NLRP12: variants seen among roughly 807,000 people sequenced by gnomAD.
NLRP12 encodes NACHT, LRR and PYD domains-containing protein 12.
In NLRP12, 108 loss-of-function variants were observed where a neutral mutation model predicts 91.2. That is an observed-to-expected ratio of 1.18 (90% confidence interval 1.01 to 1.39). NLRP12 has a LOEUF of 1.39. Among genes scored for constraint, NLRP12 ranks in the 40% most tolerant of loss-of-function variants. The pLI is 0.00. For missense variants in NLRP12, 1,530 were observed against 1,352.7 expected (o/e 1.13, Z -2.06); for synonymous variants, 613 against 566.7 (o/e 1.08, Z -1.16).
At chr19:53,802,923 T>A (rs2091898240) in intron 6 of NLRP12, among the ~76,000 whole-genome samples, 1 of 152,016 alleles carries the variant, frequency 6.6e-6, no homozygotes, top group Non-Finnish European at 1.5e-5. Flanking sequence ...CTAATTATGT[T>A]TATTTTTTGT....
rs139914859 is a variant in NLRP12 at position 53,804,675 on chromosome 19, T to G, written c.2415-553A>C. 4.8e-3 allele frequency among the ~76,000 whole-genome samples: 716 copies of G among 149,176 alleles called. 27 individuals are homozygous for G. In the East Asian group the frequency reaches 0.1, roughly 21 times the overall value. On this transcript the variant is annotated intron_variant, in intron 5 of 9. Coordinates refer to ENST00000324134, the MANE Select transcript of NLRP12 (RefSeq NM_144687.4). ...ATCCGCCTGCCTTGGCCTCCCAAAGTGCTGGGATTATAGACGTGAACCACC... is the reference window on the plus strand; with the variant it reads ...ATCCGCCTGCCTTGGCCTCCCAAAGGGCTGGGATTATAGACGTGAACCACC...
intron 1 of NLRP12, 136 bp from the exon 2 acceptor site, chr19:53,815,124 T>A: frequency 2.7e-6 from 2 of 728,228 alleles, no homozygotes; most frequent in Non-Finnish European, 2.5e-6. Context: ...AGTGACTGCA[T>A]AGGCCGTGTG....
intron 1 of NLRP12, among the ~76,000 whole-genome samples, chr19:53,816,278 C>T (rs1308770860): frequency 6.6e-6 from 1 of 152,082 alleles, no homozygotes; most frequent in Non-Finnish European, 1.5e-5. Context: ...GTTTTCACCT[C>T]CCTGCTGGTT....
chr19:53,809,815 C>T lies in NLRP12; in HGVS notation c.1844G>A (p.Ser615Asn). 6.2e-7 allele frequency: 1 copy of T among 1,614,122 alleles called. No individual in the cohort carries two copies. The highest frequency in any genetic ancestry group is 8.5e-7 in the Non-Finnish European group (1 of 1,180,000). ...TLQQGSLEFFSCLYEIQEEEF... is the reference protein window; with the variant it reads ...TLQQGSLEFFNCLYEIQEEEF... ...CTCCTCCTGGATCTCGTACAAGCAG[C>T]TGAAGAACTCCAAGGAGCCCTGCTG... The change falls in exon 3 of 10, where the codon AGC becomes AAC. Residue 615 changes from serine (S) to asparagine (N), a missense_variant. Ser to Asn is a conservative substitution (Grantham distance 46). Coordinates refer to ENST00000324134, the MANE Select transcript of NLRP12 (RefSeq NM_144687.4).
intron 3 of NLRP12, chr19:53,808,204 T>C (rs1258457549): frequency 4.6e-6 from 1 of 218,178 alleles, no homozygotes; most frequent in Non-Finnish European, 9.3e-6. Flanking sequence ...GCTACAGGTG[T>C]GCACCATCAT....
chr19:53,820,881 TA>T (rs1254600392), intron 1 of NLRP12, among the ~76,000 whole-genome samples: 3 of 151,522 alleles, frequency 2.0e-5, no homozygotes, highest in Non-Finnish European at 4.4e-5. Context: ...AAAATATTTT[TA>T]AAAAAACAAT....
At chr19:53,823,820 G>A (rs2092304556) in intron 1 of NLRP12, 66 bp downstream of exon 1, 6 of 1,581,824 alleles carry the variant, frequency 3.8e-6, no homozygotes, top group Non-Finnish European at 5.2e-6. Context: ...AAAGTGCTGA[G>A]ATTACAGGTA....
chr19:53,810,841 G>C lies in NLRP12; in HGVS notation c.818C>G (p.Pro273Arg). The change falls in exon 3 of 10, where the codon CCT (proline) becomes CGT (arginine). Residue 273 changes from proline to arginine, a missense_variant. Physicochemically the swap from Pro to Arg is moderately radical, Grantham distance 103 (BLOSUM62 -2). Transcript: ENST00000324134. ...CTCCTGGAGAGGCGCGCTGGGCTCA[G>C]GCCAGCAGCTGAAGATGAGGTCTTG... ...SMQDLIFSCWPEPSAPLQELI... is the reference protein window; with the variant it reads ...SMQDLIFSCWREPSAPLQELI... 1 of 1,614,116 alleles carries C rather than the reference G, an allele frequency of 6.2e-7. No individual in the cohort carries two copies. Among genetic ancestry groups the C allele is most frequent in the African/African-American group, 1.3e-5 (1 of 75,046 alleles).
chr19:53,807,481 C>G lies in NLRP12; in HGVS notation c.2243+14G>C. The G allele has an allele frequency of 6.2e-7, 1 of 1,612,370 alleles. No homozygotes were observed. The highest frequency in any genetic ancestry group is 8.5e-7 in the Non-Finnish European group (1 of 1,179,170). ...TGGGGACCACCTGAAACGCCCAGAC[C>G]AGCCTGCACTCACCTCAGGTTCTGA... On this transcript the variant is annotated intron_variant, in intron 4 of 9. Coordinates refer to ENST00000324134, the MANE Select transcript of NLRP12 (RefSeq NM_144687.4).
rs192517357 is a variant in NLRP12 at position 53,800,804 on chromosome 19, G to A, written c.2756+423C>T. Among the ~76,000 whole-genome samples the A allele has an allele frequency of 5.2e-3, 796 of 151,994 alleles. 7 individuals are homozygous for A. Among genetic ancestry groups the A allele is most frequent in the African/African-American group, 0.017 (718 of 41,468 alleles). ...TCTACATGTTGGTCAGGCTGGTCTC[G>A]AATTCCCCACCTCAGGTGATCCTCC... is the stretch of plus-strand genomic sequence containing the variant. On this transcript the variant is annotated intron_variant, in intron 7 of 9. Transcript: ENST00000324134.
At chr19:53,814,218 G>C (rs1169748174) in intron 2 of NLRP12, among the ~76,000 whole-genome samples, 1 of 152,162 alleles carries the variant, frequency 6.6e-6, no homozygotes, top group East Asian at 1.9e-4. Context: ...TTATGGTTTT[G>C]CTAAATCAGT....
intron 2 of NLRP12, among the ~76,000 whole-genome samples, chr19:53,813,306 T>C (rs201845171): frequency 1.4e-4 from 13 of 94,800 alleles, no homozygotes; most frequent in South Asian, 4.8e-4. Context: ...TTTCTTTTTT[T>C]TTTTTTTTTT....
chr19:53,811,307 G>A lies in NLRP12; in HGVS notation c.371-19C>T. 4.3e-6 allele frequency: 7 copies of A among 1,613,338 alleles called. No individual in the cohort carries two copies. Among genetic ancestry groups the A allele is most frequent in the East Asian group, 2.2e-5 (1 of 44,714 alleles). ...TGGGGATCTAGGGGAGAGGAATGAAGGTTTTGTGGAAGACTCATCAGCAGC... is the reference window on the plus strand; with the variant it reads ...TGGGGATCTAGGGGAGAGGAATGAAAGTTTTGTGGAAGACTCATCAGCAGC... On this transcript the variant is annotated intron_variant, in intron 2 of 9. Coordinates refer to ENST00000324134, the MANE Select transcript of NLRP12 (RefSeq NM_144687.4).
At chr19:53,813,761 C>G (rs2092116706) in intron 2 of NLRP12, among the ~76,000 whole-genome samples, 1 of 152,040 alleles carries the variant, frequency 6.6e-6, no homozygotes, top group Non-Finnish European at 1.5e-5. Context: ...GACCTTGGCT[C>G]ACTGCAACTT....
At chr19:53,819,558 TAC>T (rs2092227898) in intron 1 of NLRP12, among the ~76,000 whole-genome samples, 2 of 106,924 alleles carry the variant, frequency 1.9e-5, no homozygotes, top group African/African-American at 3.4e-5. Flanking sequence ...TATGTATGTA[TAC>T]GTATATATAT....
At position 53,805,351 on chromosome 19, in the gene NLRP12, G is replaced by A. The variant is rs553449856; in HGVS notation, c.2343C>T (p.Gly781=). ...GCAGCATCATGCCTGGGAATCCAAC[G>A]CCGTTGCCACTGAGATCCATCCTTG... ...NLTRMDLSGN[G]VGFPGMMLLC... The change falls in exon 5 of 10, where the codon GGC becomes GGT. Residue 781 remains glycine, a synonymous_variant. Coordinates refer to ENST00000324134, the MANE Select transcript of NLRP12 (RefSeq NM_144687.4). The A allele has an allele frequency of 1.9e-6, 3 of 1,614,056 alleles. No individual in the cohort carries two copies. Among genetic ancestry groups the A allele is most frequent in the Admixed American group, 1.7e-5 (1 of 59,984 alleles).
chr19:53,805,395 T>C lies in NLRP12; in HGVS notation c.2299A>G (p.Ile767Val). The C allele has an allele frequency of 6.2e-7, 1 of 1,614,066 alleles. No individual in the cohort carries two copies. The highest frequency in any genetic ancestry group is 8.5e-7 in the Non-Finnish European group (1 of 1,180,006). ...ATCCTTGTCAAATTCTTATTGGCTATGAGAGCTGCAGAGAGGTCCTCGCAG... is the reference window on the plus strand; with the variant it reads ...ATCCTTGTCAAATTCTTATTGGCTACGAGAGCTGCAGAGAGGTCCTCGCAG... ...SACEDLSAAL[I>V]ANKNLTRMDL... Residue 767 changes from isoleucine (I) to valine (V), a missense_variant, in exon 5 of 10, where the codon ATA (isoleucine) becomes GTA (valine). Transcript: ENST00000324134.
chr19:53,819,157 A>T (rs79549584), intron 1 of NLRP12, among the ~76,000 whole-genome samples: 13,152 of 151,990 alleles, frequency 0.087, 626 homozygotes, highest in Non-Finnish European at 0.1. Flanking sequence ...ATATTTGTAC[A>T]TTATTTCCAT....
At chr19:53,817,951 T>G (rs1226737616) in intron 1 of NLRP12, among the ~76,000 whole-genome samples, 2 of 150,766 alleles carry the variant, frequency 1.3e-5, no homozygotes, top group Admixed American at 6.6e-5. Context: ...ACCAGCTAAT[T>G]TTTGTATTTT....
Sources: gnomAD v4.1 joint callset for allele counts (sites outside exome capture counted in the v4.1 genomes callset) on GRCh38, gnomAD v4.1.1 for gene constraint, MANE v1.5 for transcripts, NCBI Gene and HGNC (gene_info 2026-07-23, HGNC 2026-07-21) for gene names.